The following DYRK1B variants were observed in gnomAD, a reference collection of about 807,000 sequenced individuals.
The protein encoded by DYRK1B is dual specificity tyrosine-phosphorylation-regulated kinase 1B.
In DYRK1B, 20 loss-of-function variants were observed where a neutral mutation model predicts 57.1. The observed-to-expected ratio is 0.35, with a 90% CI of 0.25 to 0.51. The LOEUF is 0.51. Among genes scored for constraint, DYRK1B ranks in the 20% least tolerant of loss-of-function variants. DYRK1B has a pLI of 0.96. For synonymous variants in DYRK1B, 409 were observed against 384.7 expected, an observed-to-expected ratio of 1.06 and a Z score of -0.74; for missense variants, 732 against 886.3, an observed-to-expected ratio of 0.83 and a Z score of 2.21.
intron 1 of DYRK1B, among the ~76,000 whole-genome samples, chr19:39,832,318 C>G (rs2145037872): frequency 6.6e-6 from 1 of 152,142 alleles, no homozygotes; most frequent in African/African-American, 2.4e-5. Context: ...AAAAAGAAAC[C>G]ACAGACAGTA....
intron 8 of DYRK1B, 25 bp from the exon 9 acceptor site, chr19:39,827,012 G>A: frequency 1.9e-6 from 2 of 1,051,074 alleles, no homozygotes; most frequent in Non-Finnish European, 2.6e-6. Context: ...GTGGGAGGGG[G>A]GGCAAGAGAG....
chr19:39,827,014 G>GGGGGGGGGGGGGGC, intron 8 of DYRK1B, 27 bp from the exon 9 acceptor site: 5 of 419,582 alleles, frequency 1.2e-5, no homozygotes, highest in African/African-American at 2.2e-5. Flanking sequence ...GGGAGGGGGG[G>GGGGGGGGGGGGGGC]CAAGAGAGTG....
intron 3 of DYRK1B, 44 bp downstream of exon 3, chr19:39,830,620 A>G: frequency 6.2e-7 from 1 of 1,613,192 alleles, no homozygotes; most frequent in Non-Finnish European, 8.5e-7. Flanking sequence ...GCCAGCAGAC[A>G]AGACCCTCGG....
chr19:39,828,409 T>G lies in DYRK1B; in HGVS notation c.695A>C (p.Glu232Ala). The G allele has an allele frequency of 1.2e-6, 2 of 1,614,060 alleles. No individual in the cohort carries two copies. The highest frequency in any genetic ancestry group is 8.5e-7 in the Non-Finnish European group (1 of 1,179,970). ...GAGGTCGCAGTGAATGATGCTGAGC[T>G]CAGGCGTGGCCAGAAAGAGCAGTGC... Reference protein sequence around the residue: ...CTALLFLATPELSIIHCDLKP... With the variant: ...CTALLFLATPALSIIHCDLKP... Residue 232 changes from glutamate to alanine, a missense_variant, in exon 6 of 11, where the codon GAG (glutamate) becomes GCG (alanine). Coordinates refer to ENST00000323039, the MANE Select transcript of DYRK1B (RefSeq NM_004714.3). This position sits in a 1 kb window ranked among gnomAD's most constrained non-coding sequence, Gnocchi z 4.3.
At chr19:39,833,426 G>A (rs1016290134) in intron 1 of DYRK1B, 131 of 885,732 alleles carry the variant, frequency 1.5e-4, no homozygotes, top group Admixed American at 1.4e-3. Context: ...AGCGGGACAG[G>A]AGGCCCGGTG....
At position 39,827,712 on chromosome 19, in the gene DYRK1B, C is replaced by T. The variant is rs1968606284; in HGVS notation, c.808-56G>A. ...GCCTCCCCTACTGGTCCCACTGACA[C>T]CCCCAAAGCTAAGAGGACCCAACTG... On this transcript the variant is annotated intron_variant, in intron 6 of 10. Transcript: ENST00000323039. The T allele has an allele frequency of 1.9e-6, 3 of 1,581,448 alleles. No individual in the cohort carries two copies. In the South Asian group the frequency reaches 3.4e-5, roughly 18 times the overall value.
In DYRK1B at chr19:39,826,336, G is replaced by A. The variant is rs1968537703; in HGVS notation, c.1412-50C>T. ...GAAGGGGCATAAGGTGAGAGAAGGT[G>A]GCGAGTGGGTTTTGGGATGGCTGAG... On this transcript the variant is annotated intron_variant, in intron 9 of 10. Coordinates refer to ENST00000323039, the MANE Select transcript of DYRK1B (RefSeq NM_004714.3). The surrounding 1 kb of genome is among the most constrained non-coding windows in gnomAD (Gnocchi z 6.3). 3 of 1,453,770 alleles carry A rather than the reference G, an allele frequency of 2.1e-6. No homozygotes were observed. The highest frequency in any genetic ancestry group is 2.7e-5 in the South Asian group (2 of 73,102). 90.1% of individuals were successfully genotyped at this position (1,453,770 alleles called of 1,614,324 possible).
chr19:39,831,312 C>G (rs1033892623), intron 2 of DYRK1B, among the ~76,000 whole-genome samples: 6 of 100,724 alleles, frequency 6.0e-5, no homozygotes, highest in African/African-American at 2.9e-4. Flanking sequence ...GCCTTCACTG[C>G]CTCTAGCCTT....
rs998537332 is a variant in DYRK1B at position 39,834,078 on chromosome 19, C to T, written c.-157G>A. The T allele has an allele frequency of 1.1e-5, 2 of 177,434 alleles. No homozygotes were observed. The highest frequency in any genetic ancestry group is 5.8e-5 in the Admixed American group (1 of 17,160). The allele number at this position is 177,434 out of a possible 1,614,324, so 11.0% of individuals were successfully genotyped here. A position where few individuals can be genotyped will look rare whatever the true frequency, so the allele number is the denominator to read the frequency against. ...CTCGGGGAGCCCGAGCTCAGACCTGCCCACTGGCTGAGGGTATCCGGCGGA... is the reference window on the plus strand; with the variant it reads ...CTCGGGGAGCCCGAGCTCAGACCTGTCCACTGGCTGAGGGTATCCGGCGGA... On this transcript the variant is annotated 5_prime_UTR_variant, in exon 1 of 11. Coordinates refer to ENST00000323039, the MANE Select transcript of DYRK1B (RefSeq NM_004714.3).
At chr19:39,829,132 C>T (rs918218070) in intron 5 of DYRK1B, among the ~76,000 whole-genome samples, 3 of 152,034 alleles carry the variant, frequency 2.0e-5, no homozygotes, top group Admixed American at 6.5e-5. Flanking sequence ...CAAGTGACAG[C>T]ACTTGAATGC....
Position 39,826,972 on chromosome 19 carries a change from CG to C in DYRK1B, c.1110del (p.Thr372HisfsTer131). 1.4e-6 allele frequency: 1 copy of C among 727,036 alleles called. No individual in the cohort carries two copies. The highest frequency in any genetic ancestry group is 1.8e-6 in the Non-Finnish European group (1 of 558,764). 45.0% of individuals were successfully genotyped at this position (727,036 alleles called of 1,614,324 possible). A position where few individuals can be genotyped will look rare whatever the true frequency, so the allele number is the denominator to read the frequency against. ...TKELRKDYQG[P>X]GTRRLQEVLG... The stretch of plus-strand genomic sequence containing the variant: ...AGCACCTCCTGCAGCCGCCGTGTCC[CG>C]GGGCCCTGGTAATCCTGGCAGGGAG... On this transcript the variant is annotated frameshift_variant, in exon 9 of 11. Coordinates refer to ENST00000323039, the MANE Select transcript of DYRK1B (RefSeq NM_004714.3). LOFTEE classifies it high-confidence loss of function. The surrounding 1 kb of genome is among the most constrained non-coding windows in gnomAD (Gnocchi z 6.3).
chr19:39,826,930 C>G lies in DYRK1B; in HGVS notation c.1153G>C (p.Gly385Arg). The change falls in exon 9 of 11, where the codon GGG becomes CGG. Residue 385 changes from glycine to arginine, a missense_variant. Coordinates refer to ENST00000323039, the MANE Select transcript of DYRK1B (RefSeq NM_004714.3). The surrounding 1 kb of genome is among the most constrained non-coding windows in gnomAD (Gnocchi z 6.3). ...TCCCCCGCCCGCCGGCCCCCGGGCC[C>G]GCCCGTCTGCACGCCCAGCACCTCC... Reference protein sequence around the residue: ...LQEVLGVQTGGPGGRRAGEPG... With the variant: ...LQEVLGVQTGRPGGRRAGEPG... The G allele has an allele frequency of 1.4e-6, 2 of 1,435,092 alleles. No individual in the cohort carries two copies. The highest frequency in any genetic ancestry group is 9.1e-7 in the Non-Finnish European group (1 of 1,104,544). The allele number at this position is 1,435,092 out of a possible 1,614,324, so 88.9% of individuals were successfully genotyped here. A position where few individuals can be genotyped will look rare whatever the true frequency, so the allele number is the denominator to read the frequency against.
Position 39,825,688 on chromosome 19 carries a change from A to C in DYRK1B, c.*27T>G. 1.9e-6 allele frequency: 3 copies of C among 1,538,736 alleles called. No homozygotes were observed. The highest frequency in any genetic ancestry group is 2.6e-6 in the Non-Finnish European group (3 of 1,144,172). On this transcript the variant is annotated 3_prime_UTR_variant, in exon 11 of 11. Coordinates refer to ENST00000323039, the MANE Select transcript of DYRK1B (RefSeq NM_004714.3). Reference sequence around the variant, plus strand: ...CCCAGATGGGGGAGGGTATGGCTTCAGGAGGGGCCCCAGGGAGGGGGCAGG... The same window carrying C: ...CCCAGATGGGGGAGGGTATGGCTTCCGGAGGGGCCCCAGGGAGGGGGCAGG...
At chr19:39,831,271 C>A (rs980874791) in intron 2 of DYRK1B, among the ~76,000 whole-genome samples, 1 of 152,166 alleles carries the variant, frequency 6.6e-6, no homozygotes, top group African/African-American at 2.4e-5. Context: ...GGACCTCCCA[C>A]TTCATCCTGC....
rs370270909 is a variant in DYRK1B at position 39,826,831 on chromosome 19, C to T, written c.1252G>A (p.Ala418Thr). ...VLRMLEYEPA[A>T]RISPLGALQH... ...AGAGCCCCCAGGGGGCTGATGCGGG[C>T]GGCGGGCTCATACTCCAGCATGCGC... The change falls in exon 9 of 11, where the codon GCC becomes ACC. Residue 418 changes from alanine to threonine, a missense_variant. By Grantham distance (58) the Ala-to-Thr change is moderately conservative. Transcript: ENST00000323039. The surrounding 1 kb of genome is among the most constrained non-coding windows in gnomAD (Gnocchi z 6.3). 1.3e-4 allele frequency: 199 copies of T among 1,489,418 alleles called. No homozygotes were observed. Among genetic ancestry groups the T allele is most frequent in the Admixed American group, 5.4e-4 (24 of 44,726 alleles). The allele number at this position is 1,489,418 out of a possible 1,614,324, so 92.3% of individuals were successfully genotyped here.
chr19:39,828,571 C>T lies in DYRK1B; in HGVS notation c.533G>A (p.Arg178Gln), dbSNP rs1402482186. ...EMKYYIVHLK[R>Q]HFMFRNHLCL... ...CAGGTGGTTCCGGAACATGAAGTGC[C>T]GCTTCAGGTGTACTGCGGGGGAGGG... The change falls in exon 6 of 11, where the codon CGG (arginine) becomes CAG (glutamine). Residue 178 changes from arginine to glutamine, a missense_variant. Physicochemically the swap from Arg to Gln is conservative, Grantham distance 43. Coordinates refer to ENST00000323039, the MANE Select transcript of DYRK1B (RefSeq NM_004714.3). This position sits in a 1 kb window ranked among gnomAD's most constrained non-coding sequence, Gnocchi z 4.3. 3 of 1,608,206 alleles carry T rather than the reference C, an allele frequency of 1.9e-6. No homozygotes were observed. Among genetic ancestry groups the T allele is most frequent in the Non-Finnish European group, 1.7e-6 (2 of 1,175,650 alleles).
Position 39,831,854 on chromosome 19 carries a change from G to T in DYRK1B, c.14C>A (p.Pro5Gln), listed in dbSNP as rs563920364. 5.9e-6 allele frequency: 9 copies of T among 1,524,650 alleles called. No homozygotes were observed. The Admixed American group carries it at 1.0e-4, about 18-fold the overall frequency. The allele number at this position is 1,524,650 out of a possible 1,614,324, so 94.4% of individuals were successfully genotyped here. A position where few individuals can be genotyped will look rare whatever the true frequency, so the allele number is the denominator to read the frequency against. ...GAAGCCAGAGAAGGGACCATGGCCC[G>T]GTGGGACGGCCATGGTGGGCTCAGA... MAVP[P>Q]GHGPFSGFPG... The change falls in exon 2 of 11, where the codon CCG (proline) becomes CAG (glutamine). Residue 5 changes from proline (P) to glutamine (Q), a missense_variant. Coordinates refer to ENST00000323039, the MANE Select transcript of DYRK1B (RefSeq NM_004714.3).
intron 5 of DYRK1B, among the ~76,000 whole-genome samples, chr19:39,829,022 TAAGG>T (rs1438337922): frequency 1.3e-5 from 2 of 152,212 alleles, no homozygotes; most frequent in Admixed American, 6.5e-5. Flanking sequence ...GGAATCAGTT[TAAGG>T]GAGGAGAAAG....
chr19:39,833,240 T>C, intron 1 of DYRK1B: 1 of 985,678 alleles, frequency 1.0e-6, no homozygotes, highest in East Asian at 1.1e-4. Flanking sequence ...CACACCAGGA[T>C]CATCTCTCCC....
Sources: gnomAD v4.1 joint callset for allele counts (sites outside exome capture counted in the v4.1 genomes callset) on GRCh38, gnomAD v4.1.1 for gene constraint, Gnocchi (gnomAD v3.1) non-coding constraint, MANE v1.5 for transcripts, NCBI Gene and HGNC (gene_info 2026-07-23, HGNC 2026-07-21) for gene names.